MKLN1: variants seen among roughly 807,000 people sequenced by gnomAD.
MKLN1 encodes the protein muskelin.
Under a neutral mutation model 99.0 loss-of-function variants are expected in MKLN1, and 18 were observed. The observed-to-expected ratio is 0.18, with a 90% CI of 0.13 to 0.27. The LOEUF (loss-of-function observed/expected upper bound fraction) is 0.27. MKLN1 is among the 10% of genes least tolerant of loss of function. The pLI is 1.00. For synonymous variants in MKLN1, 288 were observed against 293.2 expected, an observed-to-expected ratio of 0.98 and a Z score of 0.18; for missense variants, 621 against 875.9, an observed-to-expected ratio of 0.71 and a Z score of 3.67.
chr7:131,430,631 C>G (rs1795496321), intron 9 of MKLN1, among the ~76,000 whole-genome samples: 1 of 152,158 alleles, frequency 6.6e-6, no homozygotes, highest in Non-Finnish European at 1.5e-5. Context: ...CTGGCATGAT[C>G]CAACAGGTCA....
At chr7:131,213,490 A>G (rs1796936149) in intron 3 of MKLN1, among the ~76,000 whole-genome samples, 2 of 152,186 alleles carry the variant, frequency 1.3e-5, no homozygotes, top group Non-Finnish European at 2.9e-5. Flanking sequence ...AGAGTCTGTC[A>G]ACCTTGTATT....
intron 3 of MKLN1, among the ~76,000 whole-genome samples, chr7:131,295,619 T>A (rs937411735): frequency 6.6e-6 from 1 of 152,040 alleles, no homozygotes; most frequent in African/African-American, 2.4e-5. Context: ...GGTGTGGTAG[T>A]TCACGCCTAT....
chr7:131,374,467 C>A (rs1349791137), intron 1 of MKLN1, among the ~76,000 whole-genome samples: 1 of 152,146 alleles, frequency 6.6e-6, no homozygotes, highest in East Asian at 1.9e-4. Context: ...TCCTTCTGCC[C>A]TCCGTCCCCT....
intron 1 of MKLN1, among the ~76,000 whole-genome samples, chr7:131,348,645 A>G (rs1419164148): frequency 6.6e-6 from 1 of 152,146 alleles, no homozygotes; most frequent in Non-Finnish European, 1.5e-5. Context: ...GACTTAGGGC[A>G]TTGGTCAAAG....
At chr7:131,213,334 A>G (rs1796934095) in intron 3 of MKLN1, among the ~76,000 whole-genome samples, 1 of 152,216 alleles carries the variant, frequency 6.6e-6, no homozygotes, top group African/African-American at 2.4e-5. Flanking sequence ...TTGCTTGAAT[A>G]TATACAGGTT....
chr7:131,124,499 C>T (rs1795423880), intron 1 of MKLN1, among the ~76,000 whole-genome samples: 1 of 152,170 alleles, frequency 6.6e-6, no homozygotes, highest in African/African-American at 2.4e-5. Context: ...CCCCCAGCCT[C>T]CCCAGTACTT....
chr7:131,212,920 T>C (rs1796927420), intron 3 of MKLN1, among the ~76,000 whole-genome samples: 1 of 137,170 alleles, frequency 7.3e-6, no homozygotes, highest in African/African-American at 2.6e-5. Flanking sequence ...CAAAACTCCG[T>C]CTCAAAAAAA....
intron 2 of MKLN1, among the ~76,000 whole-genome samples, chr7:131,146,182 T>C (rs57886172): frequency 0.023 from 3,429 of 152,084 alleles, 138 homozygotes; most frequent in African/African-American, 0.079. Context: ...ATTATTATTC[T>C]ATGAGGACCC....
At chr7:131,376,049 G>A (rs971888007) in intron 2 of MKLN1, among the ~76,000 whole-genome samples, 1 of 143,282 alleles carries the variant, frequency 7.0e-6, no homozygotes, top group Non-Finnish European at 1.5e-5. Flanking sequence ...AAGCAAATGG[G>A]TAAATAATAC....
At chr7:131,347,441 T>C (rs1186507592) in intron 1 of MKLN1, among the ~76,000 whole-genome samples, 1 of 152,182 alleles carries the variant, frequency 6.6e-6, no homozygotes, top group Non-Finnish European at 1.5e-5. Context: ...AAGCTGTGTA[T>C]GCTGCAAGAG....
At chr7:131,463,401 AT>A (rs1796572394) in intron 13 of MKLN1, 37 bp downstream of exon 13, 1 of 1,580,308 alleles carries the variant, frequency 6.3e-7, no homozygotes, top group Non-Finnish European at 8.6e-7. Flanking sequence ...TCCCAATGTA[AT>A]AATTATTTGA....
chr7:131,122,979 C>A (rs1413351074), intron 1 of MKLN1, among the ~76,000 whole-genome samples: 2 of 136,792 alleles, frequency 1.5e-5, no homozygotes, highest in African/African-American at 5.5e-5. Flanking sequence ...GCCGAGATAG[C>A]GCCACTGCAG....
At chr7:131,286,277 C>G (rs752318022) in intron 3 of MKLN1, among the ~76,000 whole-genome samples, 7 of 152,122 alleles carry the variant, frequency 4.6e-5, no homozygotes, top group Non-Finnish European at 1.0e-4. Context: ...CATAGTAGTT[C>G]TTTGATAAAT....
chr7:131,164,408 C>T (rs1796095536), intron 2 of MKLN1, among the ~76,000 whole-genome samples: 1 of 152,192 alleles, frequency 6.6e-6, no homozygotes, highest in Non-Finnish European at 1.5e-5. Context: ...TGCTGCCACA[C>T]CCGGCCACTT....
intron 2 of MKLN1, among the ~76,000 whole-genome samples, chr7:131,189,955 G>T (rs191662088): frequency 3.2e-4 from 49 of 152,286 alleles, no homozygotes; most frequent in South Asian, 2.1e-4. Context: ...AAATTTGAGT[G>T]CAGAAAATCA....
At chr7:131,149,691 A>G (rs1446996599) in intron 2 of MKLN1, among the ~76,000 whole-genome samples, 3 of 152,232 alleles carry the variant, frequency 2.0e-5, no homozygotes, top group Admixed American at 2.0e-4. Context: ...ACATGAATAG[A>G]GTGGGCCCCA....
intron 2 of MKLN1, among the ~76,000 whole-genome samples, chr7:131,162,653 A>G (rs916729745): frequency 6.6e-6 from 1 of 152,212 alleles, no homozygotes; most frequent in Non-Finnish European, 1.5e-5. Flanking sequence ...GAGATATCTC[A>G]TTTATGTATA....
intron 3 of MKLN1, among the ~76,000 whole-genome samples, chr7:131,283,376 C>T (rs1798086432): frequency 8.4e-6 from 1 of 119,174 alleles, no homozygotes; most frequent in African/African-American, 3.2e-5. Context: ...TTCCTTCCTT[C>T]CTTCCTTCCT....
chr7:131,462,263 C>T (rs1223225252), intron 12 of MKLN1, among the ~76,000 whole-genome samples: 1 of 152,122 alleles, frequency 6.6e-6, no homozygotes, highest in Admixed American at 6.6e-5. Flanking sequence ...GTCATGGCCT[C>T]ATATGATCCT....
Sources: allele counts gnomAD v4.1 joint callset (sites outside exome capture counted in the v4.1 genomes callset), GRCh38; gene constraint gnomAD v4.1.1; transcripts MANE v1.5; gene names NCBI Gene and HGNC (gene_info 2026-07-23, HGNC 2026-07-21).